Variants in COL4A3 observed in about 807,000 individuals in gnomAD.
COL4A3 encodes collagen alpha-3(IV) chain.
In COL4A3, 135 loss-of-function variants were observed where a neutral mutation model predicts 217.4. That is an observed-to-expected ratio of 0.62 (90% confidence interval 0.54 to 0.72). COL4A3 has a LOEUF of 0.72. Ranked by LOEUF, COL4A3 falls within the 30% of genes least tolerant of loss-of-function variation. The pLI is 0.00. For synonymous variants in COL4A3, 690 were observed against 736.3 expected (o/e 0.94, Z 1.02); for missense variants, 1,868 against 2,119.9 (o/e 0.88, Z 2.33).
rs376436777 is a variant in COL4A3, at chr2:227,280,623, T to C, written c.2374+33T>C. The C allele has an allele frequency of 3.1e-6, 5 of 1,611,460 alleles. No homozygotes were observed. In the African/African-American group the frequency reaches 4.0e-5, roughly 13 times the overall value. Reference sequence around the variant, plus strand: ...AGCAAGTGTCATTACTTTTCTCCACTGTGAGCTCTGCTAAAATGCAGCAAA... The same window carrying C: ...AGCAAGTGTCATTACTTTTCTCCACCGTGAGCTCTGCTAAAATGCAGCAAA... On this transcript the variant is annotated intron_variant, in intron 30 of 51. Transcript: ENST00000396578.
intron 1 of COL4A3, among the ~76,000 whole-genome samples, chr2:227,193,536 A>G (rs1341879770): frequency 6.6e-6 from 1 of 151,880 alleles, no homozygotes; most frequent in Non-Finnish European, 1.5e-5. Context: ...ACATGATGAA[A>G]CCCCATCTCT....
At chr2:227,231,601 A>G (rs1422505359) in intron 1 of COL4A3, among the ~76,000 whole-genome samples, 1 of 151,920 alleles carries the variant, frequency 6.6e-6, no homozygotes, top group Non-Finnish European at 1.5e-5. Flanking sequence ...GCTCATTGCA[A>G]TCTCTGCCTC....
chr2:227,253,642 ACT>A lies in COL4A3; in HGVS notation c.765+7_765+8del, dbSNP rs761303705. ...AACTGGCCCAGATAACAGAACGGTA[ACT>A]CTGCGATTTTATGATTAGTGTTGTG... On this transcript the variant is annotated splice_donor_5th_base_variant and intron_variant, in intron 13 of 51. Transcript: ENST00000396578. This position sits in a 1 kb window ranked among gnomAD's most constrained non-coding sequence, Gnocchi z 4.4. 2.5e-6 allele frequency: 4 copies of A among 1,612,740 alleles called. No homozygotes were observed. The highest frequency in any genetic ancestry group is 2.2e-5 in the East Asian group (1 of 44,880).
chr2:227,173,442 C>T (rs2065563089), intron 1 of COL4A3, among the ~76,000 whole-genome samples: 1 of 152,174 alleles, frequency 6.6e-6, no homozygotes, highest in South Asian at 2.1e-4. Context: ...CTCAAAGTAG[C>T]CATGTCAGCC....
chr2:227,222,115 A>G (rs2067820394), intron 1 of COL4A3, among the ~76,000 whole-genome samples: 1 of 139,696 alleles, frequency 7.2e-6, no homozygotes, highest in African/African-American at 2.6e-5. Context: ...ATACGGAGAC[A>G]CTGTCTCTAA....
Position 227,219,709 on chromosome 2 carries a change from T to C in COL4A3, c.88-18259T>C, listed in dbSNP as rs143553615. Among the ~76,000 whole-genome samples, 12 of 152,384 alleles carry C rather than the reference T, an allele frequency of 7.9e-5. No homozygotes were observed. The East Asian group carries it at 2.1e-3, about 27-fold the overall frequency. ...AGTGCTGTGAAGCACTCTTGTATCC[T>C]TGACATTTTCCAAGTTTAATTTTTA... On this transcript the variant is annotated intron_variant, in intron 1 of 51. Coordinates refer to ENST00000396578, the MANE Select transcript of COL4A3 (RefSeq NM_000091.5).
At chr2:227,236,967 CATTTTAAGTCTATT>C (rs1034799082) in intron 1 of COL4A3, among the ~76,000 whole-genome samples, 8 of 152,148 alleles carry the variant, frequency 5.3e-5, no homozygotes, top group Admixed American at 5.2e-4. Flanking sequence ...AGCCAAAACA[CATTTTAAGTCTATT>C]ATTTGAAACT....
intron 43 of COL4A3, among the ~76,000 whole-genome samples, chr2:227,300,191 G>A (rs1331277165): frequency 6.6e-6 from 1 of 152,184 alleles, no homozygotes; most frequent in East Asian, 1.9e-4. Context: ...AGTGGCTAAA[G>A]GACAGAAGGG....
intron 11 of COL4A3, among the ~76,000 whole-genome samples, chr2:227,251,867 G>A (rs531527223): frequency 1.3e-5 from 2 of 152,062 alleles, no homozygotes; most frequent in Admixed American, 6.5e-5. Flanking sequence ...TCAGGAGTTC[G>A]AGGCCAGCCT....
Position 227,314,389 on chromosome 2 carries a change from C to T in COL4A3, c.*2519C>T, listed in dbSNP as rs968955046. 1 of 152,608 alleles carries T rather than the reference C, an allele frequency of 6.6e-6. No homozygotes were observed. The highest frequency in any genetic ancestry group is 2.1e-4 in the South Asian group (1 of 4,826). The allele number at this position is 152,608 out of a possible 1,614,324, so 9.5% of individuals were successfully genotyped here. A position where few individuals can be genotyped will look rare whatever the true frequency, so the allele number is the denominator to read the frequency against. Reference sequence around the variant, plus strand: ...TAACTTAGCTTATGAGTAGCTTATACAATTATGAAGATTTAATATTACAGA... The same window carrying T: ...TAACTTAGCTTATGAGTAGCTTATATAATTATGAAGATTTAATATTACAGA... On this transcript the variant is annotated 3_prime_UTR_variant, in exon 52 of 52. Coordinates refer to ENST00000396578, the MANE Select transcript of COL4A3 (RefSeq NM_000091.5).
Position 227,203,157 on chromosome 2 carries a change from A to G in COL4A3, c.88-34811A>G, listed in dbSNP as rs1386644573. On this transcript the variant is annotated intron_variant, in intron 1 of 51. Transcript: ENST00000396578. ...TATATGTGTATATATGTGTATATAT[A>G]CATATATGTGTATATATGTGTATAT... 2.6e-4 allele frequency among the ~76,000 whole-genome samples: 8 copies of G among 31,212 alleles called. 3 individuals carry two copies. Among genetic ancestry groups the G allele is most frequent in the Admixed American group, 7.8e-4 (2 of 2,574 alleles). The allele number at this position is 31,212 out of a possible 152,430, so 20.5% of individuals were successfully genotyped here.
At chr2:227,236,063 C>T (rs1184327714) in intron 1 of COL4A3, among the ~76,000 whole-genome samples, 3 of 152,116 alleles carry the variant, frequency 2.0e-5, no homozygotes, top group East Asian at 1.9e-4. Flanking sequence ...CGTGAGCCCC[C>T]GTGCCCAGCC....
chr2:227,188,063 C>G (rs1368813640), intron 1 of COL4A3, among the ~76,000 whole-genome samples: 1 of 149,826 alleles, frequency 6.7e-6, no homozygotes, highest in Non-Finnish European at 1.5e-5. Context: ...GCTAGAAGAA[C>G]AACATCCCCG....
intron 1 of COL4A3, 125 bp from the exon 2 acceptor site, chr2:227,237,843 C>A (rs560875456): frequency 4.1e-6 from 3 of 737,022 alleles, no homozygotes; most frequent in Non-Finnish European, 7.6e-6. Context: ...GCTACAAGGT[C>A]ACCTGGCTCC....
At chr2:227,259,943 A>G (rs1465665254) in intron 19 of COL4A3, 66 bp downstream of exon 19, 4 of 1,125,728 alleles carry the variant, frequency 3.6e-6, no homozygotes, top group Non-Finnish European at 1.4e-6. Context: ...AAGGTAATAA[A>G]TAGCATGTGC....
At chr2:227,302,968 TA>T in intron 43 of COL4A3, 69 bp from the exon 44 acceptor site, 1 of 1,035,162 alleles carries the variant, frequency 9.7e-7, no homozygotes, top group Non-Finnish European at 1.5e-6. Context: ...TTTGCATTTT[TA>T]AAAAACTGCT....
At chr2:227,217,927 C>T (rs2067586301) in intron 1 of COL4A3, among the ~76,000 whole-genome samples, 1 of 151,830 alleles carries the variant, frequency 6.6e-6, no homozygotes, top group Non-Finnish European at 1.5e-5. Flanking sequence ...GCAAACAAGA[C>T]AGTGCTGGCA....
Position 227,290,733 on chromosome 2 carries a change from C to T in COL4A3, c.3071-14C>T. 2 of 1,611,790 alleles carry T rather than the reference C, an allele frequency of 1.2e-6. No homozygotes were observed. The highest frequency in any genetic ancestry group is 8.5e-7 in the Non-Finnish European group (1 of 1,179,314). On this transcript the variant is annotated splice_polypyrimidine_tract_variant and intron_variant, in intron 36 of 51. Transcript: ENST00000396578. ...GTTTATCTATTTTACTCTATGTTTT[C>T]CCCCTAATTTCAGGTTCTAAAGGAA...
Position 227,253,977 on chromosome 2 carries a change from G to A in COL4A3, c.766-135G>A, listed in dbSNP as rs2069968782. The A allele has an allele frequency of 3.6e-6, 3 of 827,762 alleles. No homozygotes were observed. The highest frequency in any genetic ancestry group is 2.6e-5 in the East Asian group (1 of 39,134). 51.3% of individuals were successfully genotyped at this position (827,762 alleles called of 1,614,324 possible). A position where few individuals can be genotyped will look rare whatever the true frequency, so the allele number is the denominator to read the frequency against. On this transcript the variant is annotated intron_variant, in intron 13 of 51. Coordinates refer to ENST00000396578, the MANE Select transcript of COL4A3 (RefSeq NM_000091.5). This position sits in a 1 kb window ranked among gnomAD's most constrained non-coding sequence, Gnocchi z 4.4. ...AAATGTGAGAAATGGAAGGTGTATT[G>A]GGTTGTGTTAACACGAGGCACATTC...
Sources: gnomAD v4.1 joint callset for allele counts (sites outside exome capture counted in the v4.1 genomes callset) on GRCh38, gnomAD v4.1.1 for gene constraint, Gnocchi (gnomAD v3.1) non-coding constraint, MANE v1.5 for transcripts, NCBI Gene and HGNC (gene_info 2026-07-23, HGNC 2026-07-21) for gene names.